Variants in NKAIN2 observed in about 807,000 individuals in gnomAD.
The protein encoded by NKAIN2 is sodium/potassium-transporting ATPase subunit beta-1-interacting protein 2.
A neutral mutation model predicts 32.6 loss-of-function variants in NKAIN2; 14 were observed. That is an observed-to-expected ratio of 0.43 (90% confidence interval 0.28 to 0.67). The LOEUF (loss-of-function observed/expected upper bound fraction) is 0.67, where lower values mean the gene tolerates loss of function less well. NKAIN2 is among the 30% of genes least tolerant of loss of function. NKAIN2 has a pLI of 0.17. For synonymous variants in NKAIN2, 80 were observed against 87.2 expected (o/e 0.92, Z 0.46); for missense variants, 198 against 258.3 (o/e 0.77, Z 1.60).
At chr6:124,305,249 A>G (rs376908344) in intron 2 of NKAIN2, among the ~76,000 whole-genome samples, 69 of 152,302 alleles carry the variant, frequency 4.5e-4, no homozygotes, top group African/African-American at 1.6e-3. Flanking sequence ...TTCTGGTATT[A>G]CAGTGGAGAA....
At chr6:124,692,829 A>AT (rs1457457911) in intron 4 of NKAIN2, among the ~76,000 whole-genome samples, 2 of 152,030 alleles carry the variant, frequency 1.3e-5, no homozygotes, top group Non-Finnish European at 2.9e-5. Context: ...GAAAAAAAAA[A>AT]ATATATGTAA....
At chr6:123,812,720 A>G (rs1364371173) in intron 1 of NKAIN2, among the ~76,000 whole-genome samples, 1 of 152,178 alleles carries the variant, frequency 6.6e-6, no homozygotes, top group African/African-American at 2.4e-5. Context: ...CTCAGCCTAC[A>G]TATTTGCCTT....
At chr6:124,642,723 A>G (rs1784036423) in intron 3 of NKAIN2, among the ~76,000 whole-genome samples, 1 of 152,174 alleles carries the variant, frequency 6.6e-6, no homozygotes, top group Non-Finnish European at 1.5e-5. Context: ...TGTAAAGATG[A>G]AATGCATATA....
chr6:124,292,337 C>T (rs896840578), intron 2 of NKAIN2, among the ~76,000 whole-genome samples: 4 of 152,092 alleles, frequency 2.6e-5, no homozygotes, highest in African/African-American at 9.7e-5. Context: ...TAATCAATAT[C>T]CATCTCTTTG....
chr6:124,347,591 T>C (rs1457864470), intron 2 of NKAIN2, among the ~76,000 whole-genome samples: 4 of 152,206 alleles, frequency 2.6e-5, no homozygotes, highest in Non-Finnish European at 5.9e-5. Flanking sequence ...CATTTCATCT[T>C]CCGTCACTGA....
intron 1 of NKAIN2, among the ~76,000 whole-genome samples, chr6:124,262,962 A>G (rs754644388): frequency 1.3e-5 from 2 of 152,156 alleles, no homozygotes; most frequent in African/African-American, 4.8e-5. Flanking sequence ...TAATAAGGAA[A>G]GCTCTTTAAG....
chr6:123,967,390 C>G (rs1402526259), intron 1 of NKAIN2, among the ~76,000 whole-genome samples: 1 of 152,238 alleles, frequency 6.6e-6, no homozygotes, highest in East Asian at 1.9e-4. Flanking sequence ...GCCGAGTTCA[C>G]TGGGAAGCCA....
chr6:124,154,623 G>A (rs1787893824), intron 1 of NKAIN2, among the ~76,000 whole-genome samples: 3 of 151,886 alleles, frequency 2.0e-5, no homozygotes, highest in Non-Finnish European at 4.4e-5. Flanking sequence ...TATATTTAAA[G>A]TGTAAGCTAG....
intron 5 of NKAIN2, among the ~76,000 whole-genome samples, chr6:124,813,479 T>TACAAAAAAAATC (rs1781007800): frequency 6.6e-6 from 1 of 152,172 alleles, no homozygotes; most frequent in African/African-American, 2.4e-5. Context: ...ATTTAGAAAG[T>TACAAAAAAAATC]ACATAAAAAT....
chr6:124,448,236 G>A (rs1300583582), intron 3 of NKAIN2, among the ~76,000 whole-genome samples: 1 of 151,998 alleles, frequency 6.6e-6, no homozygotes, highest in African/African-American at 2.4e-5. Flanking sequence ...ATTGATTAAG[G>A]AAATCTCTGC....
At chr6:124,190,697 A>AAAATATCC (rs1789971427) in intron 1 of NKAIN2, among the ~76,000 whole-genome samples, 1 of 152,188 alleles carries the variant, frequency 6.6e-6, no homozygotes, top group South Asian at 2.1e-4. Flanking sequence ...ATTCAACCAG[A>AAAATATCC]AAATATCCAT....
chr6:124,497,745 A>G lies in NKAIN2; in HGVS notation c.273+142398A>G, dbSNP rs535055259. ...AAAGCTTACATAAAAAAAAACTAGG[A>G]GTTGTCAGGCAGATTTTAATTAATG... On this transcript the variant is annotated intron_variant, in intron 3 of 6. Coordinates refer to ENST00000368417, the MANE Select transcript of NKAIN2 (RefSeq NM_001040214.3). Among the ~76,000 whole-genome samples, 600 of 148,480 alleles carry G rather than the reference A, an allele frequency of 4.0e-3. 2 individuals are homozygous for G. Among genetic ancestry groups the G allele is most frequent in the Middle Eastern group, 0.017 (5 of 288 alleles).
chr6:124,274,960 A>C (rs892732047), intron 1 of NKAIN2, among the ~76,000 whole-genome samples: 14 of 152,070 alleles, frequency 9.2e-5, no homozygotes, highest in Admixed American at 2.6e-4. Context: ...AGGAATTCAC[A>C]TGACTTGTTA....
chr6:124,479,468 G>A (rs1263515034), intron 3 of NKAIN2, among the ~76,000 whole-genome samples: 1 of 152,154 alleles, frequency 6.6e-6, no homozygotes, highest in African/African-American at 2.4e-5. Context: ...TCATGTCACC[G>A]AGTTTGCCCT....
At chr6:124,469,454 T>C (rs767287139) in intron 3 of NKAIN2, among the ~76,000 whole-genome samples, 4 of 152,204 alleles carry the variant, frequency 2.6e-5, no homozygotes, top group African/African-American at 4.8e-5. Flanking sequence ...AATCTGTACA[T>C]GTTCAGGAAA....
At chr6:124,362,574 A>G (rs1583127598) in intron 3 of NKAIN2, among the ~76,000 whole-genome samples, 1 of 152,120 alleles carries the variant, frequency 6.6e-6, no homozygotes, top group Non-Finnish European at 1.5e-5. Context: ...ATTTGCTGAC[A>G]TAAACTATCA....
chr6:124,489,276 AGTC>A (rs1777769529), intron 3 of NKAIN2, among the ~76,000 whole-genome samples: 1 of 151,912 alleles, frequency 6.6e-6, no homozygotes, highest in African/African-American at 2.4e-5. Flanking sequence ...GGAAATGAGA[AGTC>A]ATGAAACTTG....
chr6:123,975,173 G>A (rs1269834605), intron 1 of NKAIN2, among the ~76,000 whole-genome samples: 5 of 152,054 alleles, frequency 3.3e-5, no homozygotes, highest in African/African-American at 1.2e-4. Flanking sequence ...GGTTAAACAG[G>A]TAAAATAAAA....
chr6:124,255,352 G>C (rs111485068), intron 1 of NKAIN2, among the ~76,000 whole-genome samples: 1 of 152,156 alleles, frequency 6.6e-6, no homozygotes, highest in African/African-American at 2.4e-5. Context: ...TTCATATTCT[G>C]CTAAGAATAA....
Sources: gnomAD v4.1 joint callset for allele counts (sites outside exome capture counted in the v4.1 genomes callset) on GRCh38, gnomAD v4.1.1 for gene constraint, MANE v1.5 for transcripts, NCBI Gene and HGNC (gene_info 2026-07-23, HGNC 2026-07-21) for gene names.